The following CCDC9B variants were observed in gnomAD, a reference collection of about 807,000 sequenced individuals.
The protein encoded by CCDC9B is coiled-coil domain containing 9B.
CCDC9B carries 40 observed loss-of-function variants against 47.2 expected under a neutral mutation model. The observed-to-expected ratio is 0.85, with a 90% CI of 0.66 to 1.10. The LOEUF is 1.10. CCDC9B is among the 50% of genes least tolerant of loss of function. The pLI, the probability that CCDC9B is intolerant of heterozygous loss-of-function variation, is 0.00. For synonymous variants in CCDC9B, 238 were observed against 250.7 expected (o/e 0.95, Z 0.48); for missense variants, 662 against 651.0 (o/e 1.02, Z -0.18).
chr15:40,331,792 T>C lies in CCDC9B; in HGVS notation c.*3366A>G, dbSNP rs998918298. ...CGGCTGACAGATGGCAGGCCTAGGG[T>C]TCTGATTCAGTCCATTGGATTCCAA... On this transcript the variant is annotated 3_prime_UTR_variant, in exon 11 of 11. Coordinates refer to ENST00000397536, the MANE Select transcript of CCDC9B (RefSeq NM_207380.3). 3 of 152,588 alleles carry C rather than the reference T, an allele frequency of 2.0e-5. No homozygotes were observed. The highest frequency in any genetic ancestry group is 2.0e-4 in the Admixed American group (3 of 15,290). The allele number at this position is 152,588 out of a possible 1,614,324, so 9.5% of individuals were successfully genotyped here.
In CCDC9B at chr15:40,339,428, G is replaced by C; in HGVS notation, c.231+84C>G. ...ACCCCAGAATAGTTAGTAGGAGAGG[G>C]GAACAGAGGCAGCTGTCTTTCCCCG... On this transcript the variant is annotated intron_variant, in intron 3 of 10. Transcript: ENST00000397536. 2.1e-6 allele frequency: 3 copies of C among 1,426,770 alleles called. No individual in the cohort carries two copies. In the South Asian group the frequency reaches 3.6e-5, roughly 17 times the overall value. 88.4% of individuals were successfully genotyped at this position (1,426,770 alleles called of 1,614,324 possible).
intron 3 of CCDC9B, 123 bp downstream of exon 3, chr15:40,339,389 G>A: frequency 9.9e-7 from 1 of 1,011,948 alleles, no homozygotes; most frequent in South Asian, 1.5e-5. Context: ...AGGAGGTTGG[G>A]AGCTGGCAGG....
chr15:40,337,372 G>A lies in CCDC9B; in HGVS notation c.742+16C>T, dbSNP rs200618055. On this transcript the variant is annotated intron_variant, in intron 7 of 10. Coordinates refer to ENST00000397536, the MANE Select transcript of CCDC9B (RefSeq NM_207380.3). ...CAAAGCCAAGGAGGGGAGGGATGAG[G>A]TAGGTGTGGGCTCACCCCTTCTGCT... is the stretch of plus-strand genomic sequence containing the variant. The A allele has an allele frequency of 2.5e-6, 4 of 1,607,696 alleles. No individual in the cohort carries two copies. The highest frequency in any genetic ancestry group is 1.3e-5 in the African/African-American group (1 of 74,834).
intron 1 of CCDC9B, chr15:40,340,271 G>A: frequency 2.0e-6 from 1 of 508,754 alleles, no homozygotes; most frequent in Non-Finnish European, 3.5e-6. Flanking sequence ...CCCAGCAGTG[G>A]GGTGCCCCTC....
rs1451519738 is a variant in CCDC9B, at chr15:40,337,316, G to T, written c.742+72C>A. 4 of 1,355,126 alleles carry T rather than the reference G, an allele frequency of 3.0e-6. No individual in the cohort carries two copies. The Admixed American group carries it at 6.7e-5, about 23-fold the overall frequency. 83.9% of individuals were successfully genotyped at this position (1,355,126 alleles called of 1,614,324 possible). ...TGAAAATAAGAGACTAAGAGACAGAGAAAAGAGAGGACAAGGGGGTGAAAG... is the reference window on the plus strand; with the variant it reads ...TGAAAATAAGAGACTAAGAGACAGATAAAAGAGAGGACAAGGGGGTGAAAG... On this transcript the variant is annotated intron_variant, in intron 7 of 10. Coordinates refer to ENST00000397536, the MANE Select transcript of CCDC9B (RefSeq NM_207380.3).
At chr15:40,336,849 G>A (rs1270874097) in intron 7 of CCDC9B, 36 bp from the exon 8 acceptor site, 5 of 1,571,462 alleles carry the variant, frequency 3.2e-6, no homozygotes, top group African/African-American at 1.4e-5. Context: ...AAGGTGGGGT[G>A]ACAAAGGATC....
rs1889000527 is a variant in CCDC9B at position 40,337,910 on chromosome 15, C to T, written c.514-17G>A. The T allele has an allele frequency of 1.3e-6, 2 of 1,586,268 alleles. No homozygotes were observed. Among genetic ancestry groups the T allele is most frequent in the Admixed American group, 3.5e-5 (2 of 57,378 alleles). Reference sequence around the variant, plus strand: ...CCAAGAACCCTGTAGGGAGAAGACACTCAGAGTGAGGGGGAGAAGCAGGAA... The same window carrying T: ...CCAAGAACCCTGTAGGGAGAAGACATTCAGAGTGAGGGGGAGAAGCAGGAA... On this transcript the variant is annotated splice_polypyrimidine_tract_variant and intron_variant, in intron 5 of 10. Transcript: ENST00000397536.
chr15:40,340,410 T>G (rs61384528), intron 1 of CCDC9B: 1 of 318,540 alleles, frequency 3.1e-6, no homozygotes, highest in Admixed American at 4.6e-5. Context: ...GGGAGCTGTT[T>G]GGCTCCCAGA....
Position 40,337,782 on chromosome 15 carries a change from G to C in CCDC9B, c.625C>G (p.His209Asp). The C allele has an allele frequency of 6.2e-7, 1 of 1,610,120 alleles. No individual in the cohort carries two copies. Among genetic ancestry groups the C allele is most frequent in the Non-Finnish European group, 8.5e-7 (1 of 1,179,824 alleles). Residue 209 changes from histidine (H) to aspartate (D), a missense_variant, in exon 6 of 11, where the codon CAC becomes GAC. Coordinates refer to ENST00000397536, the MANE Select transcript of CCDC9B (RefSeq NM_207380.3). ...CGCCAGTCACCCTGTGCGTCTCTGTGCCGGGCGAGGCGGGCTAGGTCGATC... is the reference window on the plus strand; with the variant it reads ...CGCCAGTCACCCTGTGCGTCTCTGTCCCGGGCGAGGCGGGCTAGGTCGATC... The part of the protein sequence containing the change: ...EQIDLARLAR[H>D]RDAQGDWRRP...
Position 40,333,260 on chromosome 15 carries a change from G to A in CCDC9B, c.*1898C>T, listed in dbSNP as rs1443819938. On this transcript the variant is annotated 3_prime_UTR_variant, in exon 11 of 11. Coordinates refer to ENST00000397536, the MANE Select transcript of CCDC9B (RefSeq NM_207380.3). ...CCAGGAACCAGCATGGGCTTCACCTGAAGCCTCTTAGAAATACGAATTCTC... is the reference window on the plus strand; with the variant it reads ...CCAGGAACCAGCATGGGCTTCACCTAAAGCCTCTTAGAAATACGAATTCTC... 1 of 152,222 alleles carries A rather than the reference G, an allele frequency of 6.6e-6. No individual in the cohort carries two copies. The highest frequency in any genetic ancestry group is 6.5e-5 in the Admixed American group (1 of 15,274). 9.4% of individuals were successfully genotyped at this position (152,222 alleles called of 1,614,324 possible). A position where few individuals can be genotyped will look rare whatever the true frequency, so the allele number is the denominator to read the frequency against.
At chr15:40,338,013 T>G (rs571732138) in intron 5 of CCDC9B, 120 bp from the exon 6 acceptor site, 2 of 935,110 alleles carry the variant, frequency 2.1e-6, no homozygotes, top group Non-Finnish European at 3.4e-6. Context: ...AAATTAGGCC[T>G]GTTCCAGCTC....
At chr15:40,339,443 G>C (rs1292913473) in intron 3 of CCDC9B, 69 bp downstream of exon 3, 8 of 1,526,090 alleles carry the variant, frequency 5.2e-6, no homozygotes, top group Non-Finnish European at 7.2e-6. Flanking sequence ...AGAGGCAGCT[G>C]TCTTTCCCCG....
At position 40,337,735 on chromosome 15, in the gene CCDC9B, C is replaced by T; in HGVS notation, c.672G>A (p.Lys224=). ...ACCCAGCCACCCACGTGGACTTGGCCTTGTCCAGGTCCCACGGGCGGCGCC... is the reference window on the plus strand; with the variant it reads ...ACCCAGCCACCCACGTGGACTTGGCTTTGTCCAGGTCCCACGGGCGGCGCC... The part of the protein sequence containing the change: ...GDWRRPWDLD[K]AKSTLQDCSQ... Residue 224 remains lysine, a synonymous_variant, in exon 6 of 11, where the codon AAG becomes AAA. Coordinates refer to ENST00000397536, the MANE Select transcript of CCDC9B (RefSeq NM_207380.3). The T allele has an allele frequency of 2.5e-6, 4 of 1,600,126 alleles. No individual in the cohort carries two copies. The highest frequency in any genetic ancestry group is 3.4e-6 in the Non-Finnish European group (4 of 1,175,982).
rs1326693717 is a variant in CCDC9B, at chr15:40,333,906, G to A, written c.*1252C>T. The stretch of plus-strand genomic sequence containing the variant: ...GGACCATGCGGTGAGGTCCACACTA[G>A]GGCTCAGGAGCAGAAGGCACACATA... On this transcript the variant is annotated 3_prime_UTR_variant, in exon 11 of 11. Coordinates refer to ENST00000397536, the MANE Select transcript of CCDC9B (RefSeq NM_207380.3). 1 of 152,634 alleles carries A rather than the reference G, an allele frequency of 6.6e-6. No homozygotes were observed. The highest frequency in any genetic ancestry group is 1.5e-5 in the Non-Finnish European group (1 of 68,366). The allele number at this position is 152,634 out of a possible 1,614,324, so 9.5% of individuals were successfully genotyped here.
At position 40,335,056 on chromosome 15, in the gene CCDC9B, G is replaced by A; in HGVS notation, c.*102C>T. 1 of 1,209,764 alleles carries A rather than the reference G, an allele frequency of 8.3e-7. No individual in the cohort carries two copies. The highest frequency in any genetic ancestry group is 1.1e-6 in the Non-Finnish European group (1 of 884,822). The allele number at this position is 1,209,764 out of a possible 1,614,324, so 74.9% of individuals were successfully genotyped here. On this transcript the variant is annotated 3_prime_UTR_variant, in exon 11 of 11. Coordinates refer to ENST00000397536, the MANE Select transcript of CCDC9B (RefSeq NM_207380.3). ...TTTGCCACACTGCTCAGTGACAATG[G>A]CGCAAGCCACCGGCAACCACATGGC... is the stretch of plus-strand genomic sequence containing the variant.
Position 40,335,427 on chromosome 15 carries a change from G to A in CCDC9B, c.1204C>T (p.Gln402Ter). 6.2e-7 allele frequency: 1 copy of A among 1,611,878 alleles called. No individual in the cohort carries two copies. Among genetic ancestry groups the A allele is most frequent in the Non-Finnish European group, 8.5e-7 (1 of 1,179,366 alleles). Residue 402 changes from glutamine (Q) to a stop codon, truncating the protein, a stop_gained, in exon 11 of 11, where the codon CAG (glutamine) becomes TAG (stop). Transcript: ENST00000397536. LOFTEE classifies it low-confidence loss of function (END_TRUNC). Reference sequence around the variant, plus strand: ...TCTGGCCAAGACACAGGGCTCTCCTGGGCCCCAGGCCTCAGACCGAGCACA... The same window carrying A: ...TCTGGCCAAGACACAGGGCTCTCCTAGGCCCCAGGCCTCAGACCGAGCACA... ...GCVLGLRPGA[Q>*]ESPVSWPEGS...
In CCDC9B at chr15:40,334,516, C is replaced by T. The variant is rs752320295; in HGVS notation, c.*642G>A. 2.6e-5 allele frequency: 4 copies of T among 152,236 alleles called. No individual in the cohort carries two copies. The highest frequency in any genetic ancestry group is 5.9e-5 in the Non-Finnish European group (4 of 68,070). The allele number at this position is 152,236 out of a possible 1,614,324, so 9.4% of individuals were successfully genotyped here. On this transcript the variant is annotated 3_prime_UTR_variant, in exon 11 of 11. Coordinates refer to ENST00000397536, the MANE Select transcript of CCDC9B (RefSeq NM_207380.3). ...AGGAGGTTGTCGCTCCCCATCCCAA[C>T]CCATTTCAGAGAGGAGGACTTTCCA...
At chr15:40,338,421 A>G in intron 5 of CCDC9B, 114 bp downstream of exon 5, 1 of 1,234,508 alleles carries the variant, frequency 8.1e-7, no homozygotes, top group Non-Finnish European at 1.1e-6. Context: ...GAACTCCTGC[A>G]TGTGCTCCCT....
At position 40,333,196 on chromosome 15, in the gene CCDC9B, A is replaced by G. The variant is rs531809032; in HGVS notation, c.*1962T>C. ...TCTGTCTTCACCCCCAGCCCTTCATATATTCTAGTCCAAACCCTTAACTAC... is the reference window on the plus strand; with the variant it reads ...TCTGTCTTCACCCCCAGCCCTTCATGTATTCTAGTCCAAACCCTTAACTAC... On this transcript the variant is annotated 3_prime_UTR_variant, in exon 11 of 11. Transcript: ENST00000397536. 2.6e-5 allele frequency: 4 copies of G among 152,272 alleles called. No individual in the cohort carries two copies. The highest frequency in any genetic ancestry group is 9.6e-5 in the African/African-American group (4 of 41,524). 9.4% of individuals were successfully genotyped at this position (152,272 alleles called of 1,614,324 possible). A position where few individuals can be genotyped will look rare whatever the true frequency, so the allele number is the denominator to read the frequency against.
Sources: allele counts gnomAD v4.1 joint callset, GRCh38; gene constraint gnomAD v4.1.1; transcripts MANE v1.5; gene names NCBI Gene and HGNC (gene_info 2026-07-23, HGNC 2026-07-21).